The following LRRC59 variants were observed in gnomAD, a reference collection of about 807,000 sequenced individuals.
The protein encoded by LRRC59 is leucine-rich repeat-containing protein 59.
In LRRC59, 18 loss-of-function variants were observed where a neutral mutation model predicts 33.5. The observed-to-expected ratio is 0.54, with a 90% CI of 0.37 to 0.80. The LOEUF is 0.80. Among genes scored for constraint, LRRC59 ranks in the 30% least tolerant of loss-of-function variants. LRRC59 has a pLI of 0.00. For missense variants in LRRC59, 330 were observed against 391.9 expected, an observed-to-expected ratio of 0.84 and a Z score of 1.33; for synonymous variants, 138 against 160.0, an observed-to-expected ratio of 0.86 and a Z score of 1.04.
At chr17:50,385,571 T>C (rs1913982275) in intron 5 of LRRC59, among the ~76,000 whole-genome samples, 1 of 152,152 alleles carries the variant, frequency 6.6e-6, no homozygotes, top group Admixed American at 6.5e-5. Context: ...AAGAAAGGCA[T>C]GAGGGATAAG....
At position 50,383,184 on chromosome 17, in the gene LRRC59, C is replaced by T. The variant is rs748383560; in HGVS notation, c.728G>A (p.Arg243His). The T allele has an allele frequency of 1.1e-5, 17 of 1,562,126 alleles. No homozygotes were observed. The African/African-American group carries it at 1.2e-4, about 11-fold the overall frequency. The change falls in exon 7 of 7, where the codon CGT becomes CAT. Residue 243 changes from arginine (R) to histidine (H), a missense_variant. Transcript: ENST00000225972. Reference sequence around the variant, plus strand: ...CAGCAGCTTCAGCACAGCCCAGGAACGAGTGTGCTTCCGGGGTGGTGGCTT... The same window carrying T: ...CAGCAGCTTCAGCACAGCCCAGGAATGAGTGTGCTTCCGGGGTGGTGGCTT... ...PRKPPPRKHTRSWAVLKLLLL... is the reference protein window; with the variant it reads ...PRKPPPRKHTHSWAVLKLLLL...
At chr17:50,392,593 GCCC>G in intron 3 of LRRC59, 91 bp from the exon 4 acceptor site, 1 of 1,434,446 alleles carries the variant, frequency 7.0e-7, no homozygotes, top group Non-Finnish European at 9.8e-7. Flanking sequence ...CAGGAAGAAT[GCCC>G]CTCTGTGTTC....
rs760551338 is a variant in LRRC59, at chr17:50,388,096, C to G, written c.466G>C (p.Glu156Gln). The G allele has an allele frequency of 5.0e-6, 8 of 1,614,238 alleles. No homozygotes were observed. The South Asian group carries it at 7.7e-5, about 16-fold the overall frequency. Reference sequence around the variant, plus strand: ...TCCAGCCGCCGCTGCCTCTCCCGCTCCTGATCTGCCTGCACGGCCTTCATG... The same window carrying G: ...TCCAGCCGCCGCTGCCTCTCCCGCTGCTGATCTGCCTGCACGGCCTTCATG... ...QHMKAVQADQ[E>Q]RERQRRLEVE... Residue 156 changes from glutamate (E) to glutamine (Q), a missense_variant, in exon 5 of 7, where the codon GAG (glutamate) becomes CAG (glutamine). Transcript: ENST00000225972.
At chr17:50,397,096 C>T in intron 1 of LRRC59, 117 bp downstream of exon 1, 1 of 788,620 alleles carries the variant, frequency 1.3e-6, no homozygotes, top group Non-Finnish European at 1.9e-6. Context: ...CCCACCACCC[C>T]GCTTCTTTTT....
chr17:50,389,925 C>T (rs1447094153), intron 4 of LRRC59, among the ~76,000 whole-genome samples: 1 of 151,906 alleles, frequency 6.6e-6, no homozygotes, highest in East Asian at 1.9e-4. Context: ...GTGAAACTCC[C>T]ATCTCTACTA....
Position 50,388,040 on chromosome 17 carries a change from C to G in LRRC59, c.502+20G>C, listed in dbSNP as rs977525457. 1.4e-5 allele frequency: 23 copies of G among 1,613,516 alleles called. No individual in the cohort carries two copies. The highest frequency in any genetic ancestry group is 1.9e-5 in the Non-Finnish European group (23 of 1,179,534). On this transcript the variant is annotated intron_variant, in intron 5 of 6. Coordinates refer to ENST00000225972, the MANE Select transcript of LRRC59 (RefSeq NM_018509.4). ...GGGATGAGGACCTGAAAGATAACTACAAGAGGGACAGCCACCTACCACGTT... is the reference window on the plus strand; with the variant it reads ...GGGATGAGGACCTGAAAGATAACTAGAAGAGGGACAGCCACCTACCACGTT...
At chr17:50,384,765 CA>C (rs5820811) in intron 6 of LRRC59, among the ~76,000 whole-genome samples, 3,740 of 132,098 alleles carry the variant, frequency 0.028, 76 homozygotes, top group Middle Eastern at 0.074. Flanking sequence ...AACTCTGTCT[CA>C]AAAAAAAAAA....
rs1448205093 is a variant in LRRC59 at position 50,394,985 on chromosome 17, C to T, written c.109G>A (p.Ala37Thr). The change falls in exon 2 of 7, where the codon GCC becomes ACC. Residue 37 changes from alanine to threonine, a missense_variant. Transcript: ENST00000225972. ...LNEVPVKELA[A>T]LPKATILDLS... is the part of the protein sequence containing the mutation. ...TCCAGGATGGTGGCCTTTGGAAGGGCAGCCTAGGTAAAAGAGGATGAGAAA... is the reference window on the plus strand; with the variant it reads ...TCCAGGATGGTGGCCTTTGGAAGGGTAGCCTAGGTAAAAGAGGATGAGAAA... The T allele has an allele frequency of 6.2e-7, 1 of 1,607,600 alleles. No individual in the cohort carries two copies. Among genetic ancestry groups the T allele is most frequent in the Non-Finnish European group, 8.5e-7 (1 of 1,175,210 alleles).
intron 5 of LRRC59, 90 bp downstream of exon 5, chr17:50,387,970 T>G: frequency 1.6e-6 from 2 of 1,284,574 alleles, no homozygotes; most frequent in Admixed American, 3.4e-5. Flanking sequence ...TCTTCATGAC[T>G]ACTCTACTGG....
intron 5 of LRRC59, among the ~76,000 whole-genome samples, chr17:50,387,765 A>G (rs1914045979): frequency 6.6e-6 from 1 of 152,184 alleles, no homozygotes; most frequent in Admixed American, 6.5e-5. Context: ...GAACACTGGG[A>G]GGGACTGAAG....
chr17:50,387,558 T>G (rs74472120), intron 5 of LRRC59, among the ~76,000 whole-genome samples: 3,142 of 152,284 alleles, frequency 0.021, 54 homozygotes, highest in Middle Eastern at 0.054. Context: ...GATGGCAGCA[T>G]CATGGAGACA....
Position 50,396,850 on chromosome 17 carries a change from GTCAC to G in LRRC59, c.105+359_105+362del, listed in dbSNP as rs754959810. The G allele has an allele frequency of 2.1e-5, 7 of 335,120 alleles. No individual in the cohort carries two copies. The South Asian group carries it at 5.8e-4, about 28-fold the overall frequency. 20.8% of individuals were successfully genotyped at this position (335,120 alleles called of 1,614,324 possible). A position where few individuals can be genotyped will look rare whatever the true frequency, so the allele number is the denominator to read the frequency against. ...CAGGAGGCCTACTCCCCTGGAACAA[GTCAC>G]TCATTCATTCTCGAATACATCCAGT... On this transcript the variant is annotated intron_variant, in intron 1 of 6. Coordinates refer to ENST00000225972, the MANE Select transcript of LRRC59 (RefSeq NM_018509.4).
chr17:50,387,159 G>A lies in LRRC59; in HGVS notation c.502+901C>T, dbSNP rs932400966. Among the ~76,000 whole-genome samples the A allele has an allele frequency of 3.3e-5, 5 of 152,200 alleles. No homozygotes were observed. The East Asian group carries it at 5.8e-4, about 18-fold the overall frequency. On this transcript the variant is annotated intron_variant, in intron 5 of 6. Coordinates refer to ENST00000225972, the MANE Select transcript of LRRC59 (RefSeq NM_018509.4). The stretch of plus-strand genomic sequence containing the variant: ...AAAAACTAGCAGAGGGTATGACAGA[G>A]TGACAGGTAGAATGGCTACTCTAAT...
intron 6 of LRRC59, among the ~76,000 whole-genome samples, chr17:50,383,756 T>C (rs1232072856): frequency 6.6e-6 from 1 of 152,068 alleles, no homozygotes; most frequent in Non-Finnish European, 1.5e-5. Context: ...ATAGGTATCT[T>C]TTCTCAATTC....
intron 5 of LRRC59, chr17:50,386,288 A>G (rs1316185346): frequency 6.6e-6 from 1 of 152,208 alleles, no homozygotes; most frequent in African/African-American, 2.4e-5. Context: ...TGAACTCATG[A>G]ATCTGAGAAC....
chr17:50,392,687 C>T, intron 3 of LRRC59, 52 bp downstream of exon 3: 1 of 1,601,864 alleles, frequency 6.2e-7, no homozygotes, highest in South Asian at 1.1e-5. Flanking sequence ...GCTCCAGAGT[C>T]CCTGAGTTCT....
chr17:50,387,121 A>AT, intron 5 of LRRC59, among the ~76,000 whole-genome samples: 1 of 98,488 alleles, frequency 1.0e-5, no homozygotes, highest in African/African-American at 3.2e-5. Context: ...CTGTCTCAAA[A>AT]AATAATTAAA....
intron 2 of LRRC59, among the ~76,000 whole-genome samples, chr17:50,394,607 C>G (rs1914227239): frequency 6.6e-6 from 1 of 152,180 alleles, no homozygotes; most frequent in Non-Finnish European, 1.5e-5. Context: ...GGGAGGTAAA[C>G]TATTTTTCAG....
chr17:50,397,312 G>A lies in LRRC59; in HGVS notation c.6C>T (p.Thr2=), dbSNP rs778095615. Reference sequence around the variant, plus strand: ...GGTTCCCGCCCTTGCTACCGGCCTTGGTCATGGTAACGCCGGCTGAGCGGG... The same window carrying A: ...GGTTCCCGCCCTTGCTACCGGCCTTAGTCATGGTAACGCCGGCTGAGCGGG... M[T]KAGSKGGNLR... is the part of the protein sequence containing the mutation. Residue 2 remains threonine (T), a synonymous_variant, in exon 1 of 7, where the codon ACC becomes ACT. Transcript: ENST00000225972. 1 of 1,606,854 alleles carries A rather than the reference G, an allele frequency of 6.2e-7. No individual in the cohort carries two copies. The highest frequency in any genetic ancestry group is 1.1e-5 in the South Asian group (1 of 90,018).
Sources: allele counts gnomAD v4.1 joint callset (sites outside exome capture counted in the v4.1 genomes callset), GRCh38; gene constraint gnomAD v4.1.1; transcripts MANE v1.5; gene names NCBI Gene and HGNC (gene_info 2026-07-23, HGNC 2026-07-21).